Variants in RAB9B observed in about 807,000 individuals in gnomAD.
RAB9B encodes RAB9B, member RAS oncogene family.
A neutral mutation model predicts 8.9 loss-of-function variants in RAB9B; 1 was observed. The observed-to-expected ratio is 0.11, with a 90% confidence interval of 0.04 to 0.53. The LOEUF (loss-of-function observed/expected upper bound fraction) is 0.53. RAB9B is among the 20% of genes least tolerant of loss of function. The probability of loss-of-function intolerance (pLI) is 0.93; values close to 1 mark genes in which losing one functional copy is unlikely to be tolerated. For missense variants in RAB9B, 82 were observed against 152.9 expected, an observed-to-expected ratio of 0.54 and a Z score of 2.45; for synonymous variants, 63 against 57.0, an observed-to-expected ratio of 1.10 and a Z score of -0.47.
At chrX:103,778,056 TA>T in the RAB9B span, among the ~76,000 whole-genome samples, 1 of 111,592 alleles carries the variant, frequency 9.0e-6, no homozygotes, top group Non-Finnish European at 1.9e-5. Flanking sequence ...TGTGTTCAGG[TA>T]AAACAGGAGG....
the RAB9B span, among the ~76,000 whole-genome samples, chrX:103,806,673 T>A: frequency 1.8e-5 from 2 of 111,934 alleles, no homozygotes; most frequent in Non-Finnish European, 3.8e-5. Flanking sequence ...TTTCTACTCA[T>A]TATTTCAAGT....
In RAB9B at chrX:103,829,251, T is replaced by A. The variant is rs141500200; in HGVS notation, c.-116-2173A>T. 7.8e-3 allele frequency among the ~76,000 whole-genome samples: 870 copies of A among 111,477 alleles called. 11 individuals carry two copies. The highest frequency in any genetic ancestry group is 0.026 in the African/African-American group (805 of 30,607). ...CCTTGTTCCTCAACAAGCTTGAACATCTGCATATGGCACAGAATCTCAGCA... is the reference window on the plus strand; with the variant it reads ...CCTTGTTCCTCAACAAGCTTGAACAACTGCATATGGCACAGAATCTCAGCA... On this transcript the variant is annotated intron_variant, in intron 1 of 2. Transcript: ENST00000243298.
chrX:103,818,221 C>G (rs2074647122), downstream of RAB9B, among the ~76,000 whole-genome samples: 1 of 111,440 alleles, frequency 9.0e-6, no homozygotes, highest in African/African-American at 3.3e-5. Context: ...AACAATTACT[C>G]TCAAAAAATT....
the RAB9B span, among the ~76,000 whole-genome samples, chrX:103,782,022 T>C: frequency 8.9e-6 from 1 of 112,298 alleles, no homozygotes; most frequent in Non-Finnish European, 1.9e-5. Context: ...GGGAGCCCAA[T>C]GGATCTTTTC....
chrX:103,781,999 G>A, the RAB9B span, among the ~76,000 whole-genome samples: 1 of 111,952 alleles, frequency 8.9e-6, no homozygotes, highest in African/African-American at 3.2e-5. Flanking sequence ...TTCTTGGACT[G>A]TGAAAAATCA....
At chrX:103,803,823 G>A in the RAB9B span, among the ~76,000 whole-genome samples, 5 of 112,204 alleles carry the variant, frequency 4.5e-5, no homozygotes, top group Non-Finnish European at 7.5e-5. Context: ...TGATCCACCC[G>A]CCTCAGACTC....
chrX:103,830,313 T>C (rs750847705), intron 1 of RAB9B, among the ~76,000 whole-genome samples: 9 of 111,274 alleles, frequency 8.1e-5, no homozygotes, highest in Admixed American at 1.9e-4. Flanking sequence ...AATGAAATCA[T>C]TTTTTCCTCC....
Position 103,825,090 on chromosome X carries a change from T to A in RAB9B, c.*89A>T. ...GAACCTTGTCTCTTACCCTCTTGTG[T>A]GCGTGTGTGTGCACTCTTAGAGGGG... On this transcript the variant is annotated 3_prime_UTR_variant, in exon 3 of 3. Coordinates refer to ENST00000243298, the MANE Select transcript of RAB9B (RefSeq NM_016370.4). 1 of 944,073 alleles carries A rather than the reference T, an allele frequency of 1.1e-6. No individual in the cohort carries two copies. Among genetic ancestry groups the A allele is most frequent in the South Asian group, 2.5e-5 (1 of 39,291 alleles). 77.8% of individuals were successfully genotyped at this position (944,073 alleles called of 1,213,427 possible).
the RAB9B span, among the ~76,000 whole-genome samples, chrX:103,805,407 A>T: frequency 9.0e-6 from 1 of 111,286 alleles, no homozygotes; most frequent in African/African-American, 3.3e-5. Flanking sequence ...TTTATTGAGG[A>T]TGTTTGCATC....
the RAB9B span, among the ~76,000 whole-genome samples, chrX:103,807,443 T>C: frequency 9.0e-6 from 1 of 111,639 alleles, no homozygotes; most frequent in Non-Finnish European, 1.9e-5. Flanking sequence ...GTGATTTCTG[T>C]GGGGCTTTCC....
rs746264761 is a variant in RAB9B at position 103,824,996 on chromosome X, A to AT, written c.*182dup. On this transcript the variant is annotated 3_prime_UTR_variant, in exon 3 of 3. Coordinates refer to ENST00000243298, the MANE Select transcript of RAB9B (RefSeq NM_016370.4). The stretch of plus-strand genomic sequence containing the variant: ...AATACACTTGGCTTGATAGAGCTTC[A>AT]TTTTTTTTAATTTTTAATTTTTTTA... 400 of 463,376 alleles carry AT rather than the reference A, an allele frequency of 8.6e-4. 1 individual carries two copies. Among genetic ancestry groups the AT allele is most frequent in the African/African-American group, 8.5e-3 (341 of 40,122 alleles). The allele number at this position is 463,376 out of a possible 1,213,427, so 38.2% of individuals were successfully genotyped here.
At chrX:103,793,668 C>A in the RAB9B span, among the ~76,000 whole-genome samples, 2 of 52,862 alleles carry the variant, frequency 3.8e-5, no homozygotes, top group Non-Finnish European at 6.9e-5. Flanking sequence ...CTATGTTTTC[C>A]ATCTGCCCTT....
At chrX:103,776,767 G>A in the RAB9B span, 1 of 302,074 alleles carries the variant, frequency 3.3e-6, no homozygotes, top group Non-Finnish European at 5.5e-6. Flanking sequence ...GAAAAGGGGA[G>A]GAGAAGGGAG....
intron 1 of RAB9B, among the ~76,000 whole-genome samples, chrX:103,830,640 G>A (rs774223793): frequency 9.0e-6 from 1 of 110,703 alleles, no homozygotes; most frequent in East Asian, 2.8e-4. Flanking sequence ...CTCAGTCTTG[G>A]AGAGTAAGGT....
At chrX:103,806,803 T>C in the RAB9B span, among the ~76,000 whole-genome samples, 1 of 109,375 alleles carries the variant, frequency 9.1e-6, no homozygotes, top group South Asian at 4.0e-4. Context: ...ATGGGATAGA[T>C]TTTTGAAGGT....
At chrX:103,830,049 A>T (rs1012715985) in intron 1 of RAB9B, among the ~76,000 whole-genome samples, 1 of 111,613 alleles carries the variant, frequency 9.0e-6, no homozygotes, top group African/African-American at 3.3e-5. Flanking sequence ...CATTTTCTGG[A>T]TGGGGAGTAA....
intron 1 of RAB9B, among the ~76,000 whole-genome samples, chrX:103,830,931 CAG>C (rs2074701112): frequency 9.0e-6 from 1 of 111,572 alleles, no homozygotes; most frequent in East Asian, 2.8e-4. Flanking sequence ...TGCTCAAAAT[CAG>C]TAGTGCAGAT....
In RAB9B at chrX:103,824,845, A is replaced by T; in HGVS notation, c.*334T>A. On this transcript the variant is annotated 3_prime_UTR_variant, in exon 3 of 3. Coordinates refer to ENST00000243298, the MANE Select transcript of RAB9B (RefSeq NM_016370.4). The stretch of plus-strand genomic sequence containing the variant: ...CTTTAAGAAATAGTTGTAGCTCTTT[A>T]ACTCCTTCATGCAGCTGGGTTCTAG... The T allele has an allele frequency of 6.4e-5, 8 of 124,097 alleles. No individual in the cohort carries two copies. Among genetic ancestry groups the T allele is most frequent in the Middle Eastern group, 3.8e-3 (1 of 266 alleles). 10.2% of individuals were successfully genotyped at this position (124,097 alleles called of 1,213,427 possible).
At chrX:103,785,294 C>T in the RAB9B span, among the ~76,000 whole-genome samples, 1 of 112,197 alleles carries the variant, frequency 8.9e-6, no homozygotes, top group Non-Finnish European at 1.9e-5. Flanking sequence ...CCAGGCTGGT[C>T]TTGAACTCCT....
Sources: allele counts gnomAD v4.1 joint callset (sites outside exome capture counted in the v4.1 genomes callset), GRCh38; gene constraint gnomAD v4.1.1; transcripts MANE v1.5; gene names NCBI Gene and HGNC (gene_info 2026-07-23, HGNC 2026-07-21).